Variants in FAM13A observed in about 807,000 individuals in gnomAD.
The protein encoded by FAM13A is family with sequence similarity 13 member A.
A neutral mutation model predicts 129.6 loss-of-function variants in FAM13A; 76 were observed. The observed-to-expected ratio is 0.59, with a 90% CI of 0.49 to 0.71. The LOEUF is 0.71. FAM13A is among the 30% of genes least tolerant of loss of function. The probability of loss-of-function intolerance (pLI) is 0.00; values close to 1 mark genes in which losing one functional copy is unlikely to be tolerated. For missense variants in FAM13A, 1,108 were observed against 1,249.3 expected (o/e 0.89, Z 1.70); for synonymous variants, 443 against 449.9 (o/e 0.98, Z 0.20).
At chr4:89,001,295 T>C (rs1440683326) in intron 3 of FAM13A, among the ~76,000 whole-genome samples, 1 of 152,232 alleles carries the variant, frequency 6.6e-6, no homozygotes, top group Non-Finnish European at 1.5e-5. Context: ...AGATTTCCAA[T>C]TTATTCCAGT....
At chr4:89,026,782 G>A (rs556513061) in intron 2 of FAM13A, among the ~76,000 whole-genome samples, 1 of 152,298 alleles carries the variant, frequency 6.6e-6, no homozygotes, top group East Asian at 1.9e-4. Context: ...TATAATTCAA[G>A]ATAAGATTTG....
intron 6 of FAM13A, among the ~76,000 whole-genome samples, chr4:88,857,522 A>C (rs796630158): frequency 5.3e-5 from 8 of 150,586 alleles, no homozygotes; most frequent in African/African-American, 2.0e-4. Context: ...CCAGCTACTC[A>C]GGAGGCTGAG....
At position 88,928,020 on chromosome 4, in the gene FAM13A, G is replaced by A. The variant is rs1214266431; in HGVS notation, c.759+10068C>T. 2.6e-5 allele frequency among the ~76,000 whole-genome samples: 4 copies of A among 152,056 alleles called. No homozygotes were observed. In the East Asian group the frequency reaches 5.8e-4, roughly 22 times the overall value. ...CTTAACACTATTTTTGCTGTATCCT[G>A]TGTATGGTGTGTTTTCATTTTCATC... On this transcript the variant is annotated intron_variant, in intron 5 of 23. Coordinates refer to ENST00000264344, the MANE Select transcript of FAM13A (RefSeq NM_014883.4).
intron 5 of FAM13A, among the ~76,000 whole-genome samples, chr4:88,908,907 C>T (rs1475216071): frequency 6.6e-6 from 1 of 152,190 alleles, no homozygotes; most frequent in African/African-American, 2.4e-5. Flanking sequence ...ACACAGGTAA[C>T]ACCTTCCTAT....
intron 14 of FAM13A, among the ~76,000 whole-genome samples, chr4:88,753,856 G>T (rs546778467): frequency 1.3e-5 from 2 of 152,260 alleles, no homozygotes; most frequent in South Asian, 2.1e-4. Context: ...TAGATAACAG[G>T]TACAATTTCA....
chr4:88,736,153 T>G (rs566684759), intron 21 of FAM13A, among the ~76,000 whole-genome samples: 4 of 152,084 alleles, frequency 2.6e-5, no homozygotes, highest in Admixed American at 2.0e-4. Flanking sequence ...TGTAAGAAAA[T>G]AGCTCTAATT....
At chr4:88,799,781 C>G (rs555463479) in intron 8 of FAM13A, among the ~76,000 whole-genome samples, 1 of 152,310 alleles carries the variant, frequency 6.6e-6, no homozygotes, top group East Asian at 1.9e-4. Flanking sequence ...CTGTGCCTGG[C>G]CCCAACAATT....
chr4:88,809,252 G>A (rs74684746), intron 7 of FAM13A, among the ~76,000 whole-genome samples: 6,218 of 152,080 alleles, frequency 0.041, 173 homozygotes, highest in Non-Finnish European at 0.061. Flanking sequence ...TCAATTACTC[G>A]ATCAAACCAC....
At chr4:88,844,485 T>C (rs1736326416) in intron 7 of FAM13A, among the ~76,000 whole-genome samples, 1 of 152,194 alleles carries the variant, frequency 6.6e-6, no homozygotes, top group Non-Finnish European at 1.5e-5. Flanking sequence ...AGAAGTGTGA[T>C]ATAGCCAAAA....
intron 3 of FAM13A, among the ~76,000 whole-genome samples, chr4:88,992,737 GT>G (rs1763063776): frequency 6.6e-6 from 1 of 152,214 alleles, no homozygotes; most frequent in African/African-American, 2.4e-5. Flanking sequence ...AAATTGCTAA[GT>G]TTTGTGACTT....
At chr4:88,907,793 G>A (rs1040091796) in intron 5 of FAM13A, among the ~76,000 whole-genome samples, 1 of 152,126 alleles carries the variant, frequency 6.6e-6, no homozygotes, top group African/African-American at 2.4e-5. Flanking sequence ...ACCATACTTG[G>A]CATCTAAAAC....
intron 7 of FAM13A, among the ~76,000 whole-genome samples, chr4:88,835,817 T>C (rs937286968): frequency 3.3e-5 from 5 of 152,022 alleles, no homozygotes; most frequent in African/African-American, 1.2e-4. Flanking sequence ...AGGCTGTAAA[T>C]AAAGATGAGG....
At chr4:88,984,153 A>G (rs906979519) in intron 4 of FAM13A, among the ~76,000 whole-genome samples, 7 of 152,198 alleles carry the variant, frequency 4.6e-5, no homozygotes, top group Non-Finnish European at 8.8e-5. Context: ...TAACTCCAAA[A>G]TAGCTCCATA....
At chr4:89,025,245 GTTTTTTTTTTTTT>G (rs56710705) in intron 2 of FAM13A, among the ~76,000 whole-genome samples, 7 of 61,370 alleles carry the variant, frequency 1.1e-4, no homozygotes, top group South Asian at 7.7e-4. Flanking sequence ...TGGAATCATT[GTTTTTTTTTTTTT>G]TTTTTTTTTT....
intron 8 of FAM13A, among the ~76,000 whole-genome samples, chr4:88,803,515 T>G (rs886135602): frequency 3.3e-5 from 5 of 151,716 alleles, no homozygotes; most frequent in Admixed American, 2.0e-4. Flanking sequence ...TCCTATACTA[T>G]GTAAAACTAA....
intron 4 of FAM13A, among the ~76,000 whole-genome samples, chr4:88,976,155 T>C (rs776068214): frequency 5.3e-5 from 8 of 152,190 alleles, no homozygotes; most frequent in Non-Finnish European, 4.4e-5. Flanking sequence ...CAGAGTAGTG[T>C]TGATGAGTTT....
chr4:88,962,255 A>G (rs1758728398), intron 4 of FAM13A, among the ~76,000 whole-genome samples: 1 of 152,234 alleles, frequency 6.6e-6, no homozygotes, highest in South Asian at 2.1e-4. Flanking sequence ...TAGTAGAGAC[A>G]CATGAACTAT....
At chr4:88,967,420 T>G (rs1228304590) in intron 4 of FAM13A, among the ~76,000 whole-genome samples, 1 of 152,244 alleles carries the variant, frequency 6.6e-6, no homozygotes, top group Admixed American at 6.5e-5. Context: ...ACAATCATTA[T>G]TTTATATGTG....
chr4:88,874,553 G>T (rs1260212138), intron 6 of FAM13A, among the ~76,000 whole-genome samples: 2 of 152,088 alleles, frequency 1.3e-5, no homozygotes, highest in East Asian at 3.9e-4. Flanking sequence ...GCTTCAAAGA[G>T]AATAAAATAC....
Sources: gnomAD v4.1 joint callset for allele counts (sites outside exome capture counted in the v4.1 genomes callset) on GRCh38, gnomAD v4.1.1 for gene constraint, MANE v1.5 for transcripts, NCBI Gene and HGNC (gene_info 2026-07-23, HGNC 2026-07-21) for gene names.